Variants in NDP observed in about 807,000 individuals in gnomAD.
NDP encodes the protein norrin.
A neutral mutation model predicts 8.4 loss-of-function variants in NDP; 2 were observed. That is an observed-to-expected ratio of 0.24 (90% CI 0.10 to 0.75). The LOEUF is 0.75. NDP is among the 30% of genes least tolerant of loss of function. NDP has a pLI of 0.73. For synonymous variants in NDP, 55 were observed against 45.6 expected (o/e 1.21, Z -0.83); for missense variants, 81 against 110.1 (o/e 0.74, Z 1.18).
intron 1 of NDP, among the ~76,000 whole-genome samples, chrX:43,961,591 G>A (rs747650884): frequency 1.3e-4 from 14 of 111,523 alleles, no homozygotes; most frequent in Non-Finnish European, 2.1e-4. Flanking sequence ...TGAGGGACAG[G>A]CATGAGAGAA....
chrX:43,949,626 G>A lies in NDP; in HGVS notation c.*173C>T. 2 of 483,391 alleles carry A rather than the reference G, an allele frequency of 4.1e-6. No individual in the cohort carries two copies. The highest frequency in any genetic ancestry group is 7.2e-6 in the Non-Finnish European group (2 of 276,960). The allele number at this position is 483,391 out of a possible 1,213,427, so 39.8% of individuals were successfully genotyped here. A position where few individuals can be genotyped will look rare whatever the true frequency, so the allele number is the denominator to read the frequency against. ...GATGGGAACTGCAAAGAAGTTCCCA[G>A]AGTATCTCTCTCTGTCAACAAGCAT... On this transcript the variant is annotated 3_prime_UTR_variant, in exon 3 of 3. Coordinates refer to ENST00000642620, the MANE Select transcript of NDP (RefSeq NM_000266.4).
intron 2 of NDP, among the ~76,000 whole-genome samples, chrX:43,953,755 C>A (rs2035775862): frequency 8.8e-6 from 1 of 113,166 alleles, no homozygotes; most frequent in Non-Finnish European, 1.9e-5. Flanking sequence ...TGGAATCAAA[C>A]CAAGGTCTAT....
rs76657980 is a variant in NDP, at chrX:43,965,074, T to C, written c.-207-6222A>G. Among the ~76,000 whole-genome samples the C allele has an allele frequency of 5.7e-4, 64 of 112,115 alleles. No individual in the cohort carries two copies. The East Asian group carries it at 0.016, about 28-fold the overall frequency. On this transcript the variant is annotated intron_variant, in intron 1 of 2. Transcript: ENST00000642620. ...AGCCGTTAATAACCATTTGACTGAG[T>C]GCTTGCCATGTACTAAATAGTTTCT...
chrX:43,960,931 A>G (rs1299517095), intron 1 of NDP: 1 of 112,323 alleles, frequency 8.9e-6, no homozygotes, highest in Non-Finnish European at 1.9e-5. Context: ...AAAGAACATC[A>G]TGTACAGCAT....
intron 2 of NDP, among the ~76,000 whole-genome samples, chrX:43,957,669 A>C (rs2035802852): frequency 9.1e-6 from 1 of 109,520 alleles, no homozygotes; most frequent in South Asian, 3.9e-4. Context: ...GAGAATGTTT[A>C]AGTGATTTTC....
At chrX:43,953,602 T>C (rs968281760) in intron 2 of NDP, among the ~76,000 whole-genome samples, 1 of 112,692 alleles carries the variant, frequency 8.9e-6, no homozygotes, top group Non-Finnish European at 1.9e-5. Flanking sequence ...ATTGAGCACT[T>C]GCAATGTGAG....
At chrX:43,958,426 C>T (rs933213213) in intron 2 of NDP, 46 bp downstream of exon 2, 1 of 1,180,953 alleles carries the variant, frequency 8.5e-7, no homozygotes, top group Admixed American at 2.2e-5. Flanking sequence ...TGGCTTCTTG[C>T]CTGTTTCTGA....
intron 2 of NDP, among the ~76,000 whole-genome samples, chrX:43,955,070 T>A (rs1042405987): frequency 1.8e-5 from 2 of 111,786 alleles, no homozygotes; most frequent in Non-Finnish European, 3.8e-5. Context: ...TTTACTTTTA[T>A]CCTCCCTGTT....
Position 43,963,940 on chromosome X carries a change from T to A in NDP, c.-207-5088A>T, listed in dbSNP as rs993277738. On this transcript the variant is annotated intron_variant, in intron 1 of 2. Coordinates refer to ENST00000642620, the MANE Select transcript of NDP (RefSeq NM_000266.4). ...CAGAGGCAGCGGCACTGACTGCAAATGCTGCTAGGCCTCCAGCCTGCCAAC... is the reference window on the plus strand; with the variant it reads ...CAGAGGCAGCGGCACTGACTGCAAAAGCTGCTAGGCCTCCAGCCTGCCAAC... 2.7e-5 allele frequency among the ~76,000 whole-genome samples: 3 copies of A among 112,528 alleles called. No individual in the cohort carries two copies. The East Asian group carries it at 8.4e-4, about 32-fold the overall frequency.
At chrX:43,966,341 AGAG>A (rs1438270661) in intron 1 of NDP, among the ~76,000 whole-genome samples, 2 of 111,597 alleles carry the variant, frequency 1.8e-5, no homozygotes, top group Non-Finnish European at 3.8e-5. Context: ...AAGTAACAAA[AGAG>A]GAGGAGGAGG....
Position 43,949,969 on chromosome X carries a change from A to G in NDP, c.232T>C (p.Leu78=), listed in dbSNP as rs1265725676. Reference sequence around the variant, plus strand: ...TTGAGGACAGTGCTGAACGACACCAAAGGCTCGGAGCGTGACGCCTGGCTG... The same window carrying G: ...TTGAGGACAGTGCTGAACGACACCAGAGGCTCGGAGCGTGACGCCTGGCTG... ...HCSQASRSEP[L]VSFSTVLKQP... is the part of the protein sequence containing the mutation. Residue 78 remains leucine, a synonymous_variant, in exon 3 of 3, where the codon TTG becomes CTG. Transcript: ENST00000642620. 1 of 1,208,528 alleles carries G rather than the reference A, an allele frequency of 8.3e-7. No homozygotes were observed. The highest frequency in any genetic ancestry group is 3.0e-5 in the East Asian group (1 of 33,685).
intron 1 of NDP, among the ~76,000 whole-genome samples, chrX:43,963,613 G>A (rs773282190): frequency 1.8e-5 from 2 of 112,059 alleles, no homozygotes; most frequent in South Asian, 3.7e-4. Context: ...AAGCTTGCTA[G>A]ATAACCCTAG....
intron 2 of NDP, among the ~76,000 whole-genome samples, chrX:43,956,811 A>G (rs1055665797): frequency 2.7e-5 from 3 of 112,233 alleles, no homozygotes; most frequent in Non-Finnish European, 5.6e-5. Flanking sequence ...TCTGGAAGAA[A>G]CAAAGGTGAA....
Position 43,949,350 on chromosome X carries a change from C to T in NDP, c.*449G>A, listed in dbSNP as rs1220906648. On this transcript the variant is annotated 3_prime_UTR_variant, in exon 3 of 3. Coordinates refer to ENST00000642620, the MANE Select transcript of NDP (RefSeq NM_000266.4). ...CTTTAGCAGCAATGGCAACCTTAGA[C>T]CAAAATGACAAGGTAAAAAAAAACA... is the stretch of plus-strand genomic sequence containing the variant. 3.1e-5 allele frequency: 5 copies of T among 161,103 alleles called. No homozygotes were observed. The highest frequency in any genetic ancestry group is 4.8e-5 in the Non-Finnish European group (4 of 84,158). The allele number at this position is 161,103 out of a possible 1,213,427, so 13.3% of individuals were successfully genotyped here. A position where few individuals can be genotyped will look rare whatever the true frequency, so the allele number is the denominator to read the frequency against.
chrX:43,952,515 T>C (rs1019079004), intron 2 of NDP, among the ~76,000 whole-genome samples: 4 of 112,262 alleles, frequency 3.6e-5, no homozygotes, highest in Non-Finnish European at 7.5e-5. Flanking sequence ...AAGTGATGTA[T>C]ACACAGGTGA....
At position 43,965,049 on chromosome X, in the gene NDP, A is replaced by T. The variant is rs184027615; in HGVS notation, c.-207-6197T>A. 9.8e-5 allele frequency among the ~76,000 whole-genome samples: 11 copies of T among 112,632 alleles called. No homozygotes were observed. The Admixed American group carries it at 1.0e-3, about 11-fold the overall frequency. Reference sequence around the variant, plus strand: ...TATATTGGTGGCCTGAAATAAAAACAGCCGTTAATAACCATTTGACTGAGT... The same window carrying T: ...TATATTGGTGGCCTGAAATAAAAACTGCCGTTAATAACCATTTGACTGAGT... On this transcript the variant is annotated intron_variant, in intron 1 of 2. Transcript: ENST00000642620.
chrX:43,956,950 T>G (rs2035796842), intron 2 of NDP, among the ~76,000 whole-genome samples: 1 of 112,065 alleles, frequency 8.9e-6, no homozygotes, highest in Non-Finnish European at 1.9e-5. Flanking sequence ...AAAGTACTCC[T>G]CCATCATTTT....
intron 2 of NDP, among the ~76,000 whole-genome samples, chrX:43,956,131 A>C (rs1210077853): frequency 9.0e-6 from 1 of 111,664 alleles, no homozygotes; most frequent in Non-Finnish European, 1.9e-5. Context: ...CTGCCATCAC[A>C]GGTTTCTTGG....
chrX:43,964,499 C>T (rs2035845930), intron 1 of NDP, among the ~76,000 whole-genome samples: 1 of 110,894 alleles, frequency 9.0e-6, no homozygotes, highest in Non-Finnish European at 1.9e-5. Context: ...CTGACTGAAG[C>T]TTAAAATCCT....
Sources: gnomAD v4.1 joint callset for allele counts (sites outside exome capture counted in the v4.1 genomes callset) on GRCh38, gnomAD v4.1.1 for gene constraint, MANE v1.5 for transcripts, NCBI Gene and HGNC (gene_info 2026-07-23, HGNC 2026-07-21) for gene names.